Variants in USH2A observed in about 807,000 individuals in gnomAD.
USH2A encodes the protein usherin, also known as Usher syndrome 2A (autosomal recessive, mild).
Under a neutral mutation model 538.9 loss-of-function variants are expected in USH2A, and 443 were observed. The ratio of observed to expected loss-of-function variants is 0.82; its 90% CI spans 0.76 to 0.89. The LOEUF is 0.89. Among genes scored for constraint, USH2A ranks in the 40% least tolerant of loss-of-function variants. The pLI, the probability that USH2A is intolerant of heterozygous loss-of-function variation, is 0.00. For missense variants in USH2A, 6,633 were observed against 6,324.8 expected (o/e 1.05, Z -1.65); for synonymous variants, 2,413 against 2,273.5 (o/e 1.06, Z -1.75).
At chr1:215,934,370 G>T (rs1666438449) in intron 38 of USH2A, among the ~76,000 whole-genome samples, 1 of 151,542 alleles carries the variant, frequency 6.6e-6, no homozygotes, top group African/African-American at 2.4e-5. Flanking sequence ...ATGTGTGTAT[G>T]GTATATACAC....
At chr1:215,818,955 A>T (rs2102798202) in intron 47 of USH2A, among the ~76,000 whole-genome samples, 1 of 151,902 alleles carries the variant, frequency 6.6e-6, no homozygotes, top group East Asian at 1.9e-4. Flanking sequence ...CACAAGGTAA[A>T]TATAAAAATT....
At chr1:215,920,831 A>G (rs770029512) in intron 38 of USH2A, among the ~76,000 whole-genome samples, 1 of 152,018 alleles carries the variant, frequency 6.6e-6, no homozygotes, top group Non-Finnish European at 1.5e-5. Context: ...TCAACTTCAG[A>G]TTTTGATGAG....
intron 61 of USH2A, among the ~76,000 whole-genome samples, chr1:215,721,454 G>A (rs752351639): frequency 1.3e-5 from 2 of 152,144 alleles, no homozygotes; most frequent in African/African-American, 2.4e-5. Flanking sequence ...AAAGTGACTG[G>A]AAAATCATGG....
intron 21 of USH2A, among the ~76,000 whole-genome samples, chr1:216,111,933 A>T (rs911616448): frequency 3.3e-5 from 5 of 151,968 alleles, no homozygotes; most frequent in African/African-American, 1.2e-4. Flanking sequence ...TAGGGAATGT[A>T]AAAGTTCATT....
chr1:216,152,124 C>T (rs536110667), intron 21 of USH2A, among the ~76,000 whole-genome samples: 29 of 152,244 alleles, frequency 1.9e-4, no homozygotes, highest in African/African-American at 6.3e-4. Flanking sequence ...TCCATTCTCT[C>T]TCCATACCAC....
chr1:215,767,602 G>C (rs930841391), intron 55 of USH2A, among the ~76,000 whole-genome samples: 2 of 152,164 alleles, frequency 1.3e-5, no homozygotes, highest in Non-Finnish European at 2.9e-5. Flanking sequence ...TTTTCAGGGA[G>C]AAAAGAATGA....
chr1:215,918,171 A>T (rs374645795), intron 38 of USH2A, among the ~76,000 whole-genome samples: 1 of 152,114 alleles, frequency 6.6e-6, no homozygotes, highest in East Asian at 1.9e-4. Context: ...TCATTGTAAC[A>T]ACGGGATTGG....
Position 215,900,872 on chromosome 1 carries a change from G to A in USH2A, c.7334C>T (p.Ser2445Phe), listed in dbSNP as rs41315579. 556 of 1,613,702 alleles carry A rather than the reference G, an allele frequency of 3.4e-4. 4 individuals are homozygous for A. In the South Asian group the frequency reaches 5.4e-3, roughly 16 times the overall value. ...PDGVLPPRLS[S>F]ATPTSLQVVW... is the part of the protein sequence containing the mutation. ...AACCTGAAGACTGGTTGGAGTGGCA[G>A]ATGAAAGCCTGGGAGGCAGCACGCC... is the stretch of plus-strand genomic sequence containing the variant. Residue 2445 changes from serine (S) to phenylalanine (F), a missense_variant, in exon 39 of 72, where the codon TCT becomes TTT. By Grantham distance (155) the Ser-to-Phe change is radical. Transcript: ENST00000307340.
intron 32 of USH2A, among the ~76,000 whole-genome samples, chr1:216,011,887 A>T (rs1157309647): frequency 3.3e-5 from 5 of 150,802 alleles, no homozygotes; most frequent in African/African-American, 9.8e-5. Context: ...CTGACACCCA[A>T]GACTGTATCT....
At chr1:215,734,622 T>A (rs1660102607) in intron 60 of USH2A, among the ~76,000 whole-genome samples, 1 of 152,198 alleles carries the variant, frequency 6.6e-6, no homozygotes, top group Non-Finnish European at 1.5e-5. Flanking sequence ...TATCTGATTG[T>A]AGGCTGTTAG....
At chr1:216,406,663 A>G (rs974648266) in intron 3 of USH2A, among the ~76,000 whole-genome samples, 5 of 152,166 alleles carry the variant, frequency 3.3e-5, no homozygotes, top group African/African-American at 1.2e-4. Context: ...CAGGTATTTC[A>G]GAGGATTAAA....
intron 3 of USH2A, among the ~76,000 whole-genome samples, chr1:216,403,509 T>C (rs2039342188): frequency 6.6e-6 from 1 of 152,134 alleles, no homozygotes; most frequent in Non-Finnish European, 1.5e-5. Flanking sequence ...GTCATGATTG[T>C]CTATGTAGAA....
At chr1:216,404,431 T>C (rs1016954812) in intron 3 of USH2A, among the ~76,000 whole-genome samples, 2 of 152,002 alleles carry the variant, frequency 1.3e-5, no homozygotes, top group Non-Finnish European at 2.9e-5. Context: ...GTGGAATTGG[T>C]GGAAGGATAT....
chr1:216,022,397 A>G (rs1309733874), intron 32 of USH2A, among the ~76,000 whole-genome samples: 1 of 152,104 alleles, frequency 6.6e-6, no homozygotes, highest in Non-Finnish European at 1.5e-5. Context: ...GTGGGAGATA[A>G]CCCAGCGAAA....
At chr1:216,323,958 T>A (rs2037672209) in intron 7 of USH2A, among the ~76,000 whole-genome samples, 1 of 152,038 alleles carries the variant, frequency 6.6e-6, no homozygotes, top group African/African-American at 2.4e-5. Flanking sequence ...TTGTGAAACA[T>A]CAGTGAGATT....
intron 32 of USH2A, among the ~76,000 whole-genome samples, chr1:216,036,619 T>C (rs2029987411): frequency 6.6e-6 from 1 of 152,180 alleles, no homozygotes; most frequent in South Asian, 2.1e-4. Flanking sequence ...TATGGTTTGT[T>C]TGTTGCTAGT....
intron 50 of USH2A, among the ~76,000 whole-genome samples, chr1:215,790,818 G>C (rs1661960609): frequency 6.6e-6 from 1 of 152,186 alleles, no homozygotes; most frequent in Non-Finnish European, 1.5e-5. Flanking sequence ...TGTGAATTTA[G>C]CTGCAATGGT....
chr1:216,149,929 C>T (rs1467749245), intron 21 of USH2A, among the ~76,000 whole-genome samples: 1 of 152,184 alleles, frequency 6.6e-6, no homozygotes, highest in Non-Finnish European at 1.5e-5. Flanking sequence ...AATCCCTCCT[C>T]TTCCTCCTGG....
At chr1:215,902,661 T>C (rs1665531873) in intron 38 of USH2A, among the ~76,000 whole-genome samples, 1 of 152,140 alleles carries the variant, frequency 6.6e-6, no homozygotes, top group Non-Finnish European at 1.5e-5. Flanking sequence ...GGTAACAACT[T>C]CAATTCGATG....
Sources: allele counts gnomAD v4.1 joint callset (sites outside exome capture counted in the v4.1 genomes callset), GRCh38; gene constraint gnomAD v4.1.1; transcripts MANE v1.5; gene names NCBI Gene and HGNC (gene_info 2026-07-23, HGNC 2026-07-21).